Variants in ACADVL observed in about 807,000 individuals in gnomAD.
ACADVL encodes acyl-CoA dehydrogenase very long chain, also known as very long-chain acyl-CoA dehydrogenase, mitochondrial.
Under a neutral mutation model 80.4 loss-of-function variants are expected in ACADVL, and 73 were observed. That is an observed-to-expected ratio of 0.91 (90% CI 0.75 to 1.10). The LOEUF is 1.10. Ranked by LOEUF, ACADVL falls within the 50% of genes least tolerant of loss-of-function variation. The pLI is 0.00. For missense variants in ACADVL, 878 were observed against 858.9 expected (o/e 1.02, Z -0.28); for synonymous variants, 392 against 326.5 (o/e 1.20, Z -2.16).
chr17:7,222,605 G>GT, intron 9 of ACADVL, 62 bp from the exon 10 acceptor site: 1 of 1,508,654 alleles, frequency 6.6e-7, no homozygotes, highest in South Asian at 1.2e-5. Flanking sequence ...CGAAGGAGCA[G>GT]TTTTTCCCCC....
rs550244891 is a variant in ACADVL at position 7,221,300 on chromosome 17, CAA to C, written c.478-237_478-236del. ...AATCTCTAAGTTGGGGATTGCCTAA[CAA>C]TAGACTGACTAGTAGCAAGTCACCC... is the stretch of plus-strand genomic sequence containing the variant. On this transcript the variant is annotated intron_variant, in intron 6 of 19. Transcript: ENST00000356839. 284 of 921,630 alleles carry C rather than the reference CAA, an allele frequency of 3.1e-4. 3 individuals are homozygous for C. In the East Asian group the frequency reaches 5.2e-3, roughly 17 times the overall value. 57.1% of individuals were successfully genotyped at this position (921,630 alleles called of 1,614,324 possible).
intron 9 of ACADVL, 107 bp from the exon 10 acceptor site, chr17:7,222,560 C>T: frequency 7.8e-7 from 1 of 1,275,774 alleles, no homozygotes; most frequent in Non-Finnish European, 1.1e-6. Context: ...CTCTAATAGT[C>T]TAGTGGTCGT....
chr17:7,217,330 G>C, upstream of ACADVL: 1 of 516,390 alleles, frequency 1.9e-6, no homozygotes, highest in Non-Finnish European at 2.7e-6. Flanking sequence ...GGGAGCGTGG[G>C]AGGGAGGGGA....
upstream of ACADVL, chr17:7,219,169 ATTGC>A: frequency 2.5e-6 from 1 of 406,548 alleles, no homozygotes; most frequent in African/African-American, 2.0e-5. Context: ...CCCAATGAGA[ATTGC>A]AGAAAAAGGG....
In ACADVL at chr17:7,224,076, CAG is replaced by C. The variant is rs1567567959; in HGVS notation, c.1434+11_1434+12del. On this transcript the variant is annotated splice_region_variant and intron_variant, in intron 14 of 19. Coordinates refer to ENST00000356839, the MANE Select transcript of ACADVL (RefSeq NM_000018.4). ...GGCTCTGCAGGGCTGTATGGTAAGA[CAG>C]AGAATTGGGTGGGGGTAGAGGTGGG... The C allele has an allele frequency of 1.9e-6, 3 of 1,613,918 alleles. No homozygotes were observed. The highest frequency in any genetic ancestry group is 1.3e-5 in the African/African-American group (1 of 74,992).
At chr17:7,218,427 G>A (rs186043762), upstream of ACADVL, 3 of 1,385,536 alleles carry the variant, frequency 2.2e-6, no homozygotes, top group East Asian at 7.5e-5. Flanking sequence ...ACCATAGGCA[G>A]GACCCTGCAT....
chr17:7,219,902 G>T, upstream of ACADVL: 2 of 1,555,818 alleles, frequency 1.3e-6, no homozygotes, highest in South Asian at 1.2e-5. Context: ...GATGAGTCAG[G>T]GTTAGGGGCG....
chr17:7,218,923 A>G, upstream of ACADVL: 2 of 1,547,642 alleles, frequency 1.3e-6, no homozygotes, highest in Non-Finnish European at 1.8e-6. Flanking sequence ...ACTAAATTCC[A>G]GCTGTGAGTA....
chr17:7,224,372 G>T lies in ACADVL; in HGVS notation c.1584G>T (p.Glu528Asp), dbSNP rs769166793. Reference protein sequence around the residue: ...GLSLSGLVHPELSRSGELAVR... With the variant: ...GLSLSGLVHPDLSRSGELAVR... ...GTCTCAGCGGACTTGTCCACCCGGA[G>T]TTGAGTCGGAGTGGCGAGCTGGTAA... is the stretch of plus-strand genomic sequence containing the variant. Residue 528 changes from glutamate to aspartate, a missense_variant, in exon 16 of 20, where the codon GAG becomes GAT. Transcript: ENST00000356839. 1 of 1,613,902 alleles carries T rather than the reference G, an allele frequency of 6.2e-7. No individual in the cohort carries two copies. Among genetic ancestry groups the T allele is most frequent in the Admixed American group, 1.7e-5 (1 of 60,016 alleles).
chr17:7,225,088 T>A lies in ACADVL; in HGVS notation c.1959T>A (p.Leu653=). 1 of 1,614,124 alleles carries A rather than the reference T, an allele frequency of 6.2e-7. No individual in the cohort carries two copies. Among genetic ancestry groups the A allele is most frequent in the Non-Finnish European group, 8.5e-7 (1 of 1,180,028 alleles). Reference sequence around the variant, plus strand: ...GTGGTGTGGTCACCAGCAACCCACTTGGCTTCTGAATACTCCCGGCCAGGG... The same window carrying A: ...GTGGTGTGGTCACCAGCAACCCACTAGGCTTCTGAATACTCCCGGCCAGGG... ...ERGGVVTSNP[L]GF is the part of the protein sequence containing the mutation. The change falls in exon 20 of 20, where the codon CTT becomes CTA. Residue 653 remains leucine (L), a synonymous_variant. Transcript: ENST00000356839.
upstream of ACADVL, chr17:7,219,229 G>T (rs574665928): frequency 3.5e-3 from 1,190 of 336,260 alleles, 4 homozygotes; most frequent in Non-Finnish European, 4.9e-3. Context: ...GAGAAGTTGG[G>T]GTTTTACGGG....
upstream of ACADVL, chr17:7,219,798 T>C (rs2071092120): frequency 1.3e-6 from 2 of 1,523,180 alleles, no homozygotes; most frequent in African/African-American, 1.4e-5. Flanking sequence ...GAGATCCCTC[T>C]AAGTCAGCGG....
rs542470403 is a variant in ACADVL, at chr17:7,220,240, T to A, written c.138+43T>A. Reference sequence around the variant, plus strand: ...TGGCAAGGGGGTGTGGGAGCGGCGGTCCGCTTCGGCGCCCGCCATCGGCAG... The same window carrying A: ...TGGCAAGGGGGTGTGGGAGCGGCGGACCGCTTCGGCGCCCGCCATCGGCAG... On this transcript the variant is annotated intron_variant, in intron 2 of 19. Transcript: ENST00000356839. 9.8e-5 allele frequency: 148 copies of A among 1,516,406 alleles called. No homozygotes were observed. The East Asian group carries it at 3.5e-3, about 36-fold the overall frequency. The allele number at this position is 1,516,406 out of a possible 1,614,324, so 93.9% of individuals were successfully genotyped here. A position where few individuals can be genotyped will look rare whatever the true frequency, so the allele number is the denominator to read the frequency against.
chr17:7,224,506 C>T lies in ACADVL; in HGVS notation c.1632C>T (p.Ala544=), dbSNP rs2071383960. The change falls in exon 17 of 20, where the codon GCC becomes GCT. Residue 544 remains alanine, a synonymous_variant. Transcript: ENST00000356839. ...CAGTACGGGCTCTGGAGCAGTTTGC[C>T]ACTGTGGTGGAGGCCAAGCTGATAA... ...ELAVRALEQF[A]TVVEAKLIKH... The T allele has an allele frequency of 6.2e-7, 1 of 1,613,546 alleles. No individual in the cohort carries two copies. The highest frequency in any genetic ancestry group is 8.5e-7 in the Non-Finnish European group (1 of 1,180,010).
At chr17:7,217,209 C>T (rs994279885), upstream of ACADVL, 5 of 1,263,246 alleles carry the variant, frequency 4.0e-6, no homozygotes, top group Non-Finnish European at 5.0e-6. Flanking sequence ...TTTCGTTCCT[C>T]CCCTCCGTGG....
rs779490636 is a variant in ACADVL at position 7,223,810 on chromosome 17, T to C, written c.1270-3T>C. ...ACCAGTCTCATCTGTTCTTTGTCCC[T>C]AGGAGGCAGCCTGGAAGGTGACAGA... is the stretch of plus-strand genomic sequence containing the variant. On this transcript the variant is annotated splice_region_variant and splice_polypyrimidine_tract_variant and intron_variant, in intron 12 of 19. Transcript: ENST00000356839. 2 of 1,613,946 alleles carry C rather than the reference T, an allele frequency of 1.2e-6. No individual in the cohort carries two copies. The highest frequency in any genetic ancestry group is 1.7e-6 in the Non-Finnish European group (2 of 1,179,998).
chr17:7,223,331 TCTC>T (rs1189866661), intron 11 of ACADVL, 94 bp downstream of exon 11: 1 of 1,189,312 alleles, frequency 8.4e-7, no homozygotes, highest in Non-Finnish European at 1.3e-6. Flanking sequence ...GGGCAGTGGG[TCTC>T]CAGCTTTACA....
Position 7,221,931 on chromosome 17 carries a change from A to G in ACADVL, c.623-21A>G. On this transcript the variant is annotated intron_variant, in intron 7 of 19. Coordinates refer to ENST00000356839, the MANE Select transcript of ACADVL (RefSeq NM_000018.4). Reference sequence around the variant, plus strand: ...TTGAAGCTCATCAGAACTTGGGGTAAAGTAGCTCTCTCCCCAACAGGGGAG... The same window carrying G: ...TTGAAGCTCATCAGAACTTGGGGTAGAGTAGCTCTCTCCCCAACAGGGGAG... The G allele has an allele frequency of 3.7e-6, 6 of 1,613,982 alleles. No individual in the cohort carries two copies. Among genetic ancestry groups the G allele is most frequent in the Non-Finnish European group, 4.2e-6 (5 of 1,180,004 alleles).
Position 7,222,845 on chromosome 17 carries a change from AG to A in ACADVL, c.1058del (p.Arg353LysfsTer8). 1 of 1,612,780 alleles carries A rather than the reference AG, an allele frequency of 6.2e-7. No homozygotes were observed. The highest frequency in any genetic ancestry group is 8.5e-7 in the Non-Finnish European group (1 of 1,179,992). ...GMAAALAGTMRGIIAKAVDHA... is the reference protein window; with the variant it reads ...GMAAALAGTMXGIIAKAVDHA... Reference sequence around the variant, plus strand: ...GGCTGCGGCCCTGGCAGGTACCATGAGAGGCATCATTGCTAAGGCGGTGAGT... The same window carrying A: ...GGCTGCGGCCCTGGCAGGTACCATGAAGGCATCATTGCTAAGGCGGTGAGT... On this transcript the variant is annotated frameshift_variant, in exon 10 of 20. Coordinates refer to ENST00000356839, the MANE Select transcript of ACADVL (RefSeq NM_000018.4). LOFTEE classifies it high-confidence loss of function.
Sources: gnomAD v4.1 joint callset for allele counts on GRCh38, gnomAD v4.1.1 for gene constraint, MANE v1.5 for transcripts, NCBI Gene and HGNC (gene_info 2026-07-23, HGNC 2026-07-21) for gene names.